KCNIP4: variants seen among roughly 807,000 people sequenced by gnomAD.
KCNIP4 encodes Kv channel-interacting protein 4.
KCNIP4 carries 12 observed loss-of-function variants against 34.0 expected under a neutral mutation model. The ratio of observed to expected loss-of-function variants is 0.35; its 90% CI spans 0.23 to 0.57. The LOEUF is 0.57. Ranked by LOEUF, KCNIP4 falls within the 20% of genes least tolerant of loss-of-function variation. The pLI, the probability that KCNIP4 is intolerant of heterozygous loss-of-function variation, is 0.83. For synonymous variants in KCNIP4, 124 were observed against 102.2 expected (o/e 1.21, Z -1.29); for missense variants, 238 against 311.7 (o/e 0.76, Z 1.78).
intron 1 of KCNIP4, among the ~76,000 whole-genome samples, chr4:21,314,622 G>A (rs73249548): frequency 0.026 from 3,892 of 152,204 alleles, 63 homozygotes; most frequent in Non-Finnish European, 0.039. Context: ...AGAACTACTG[G>A]ACATTTGGCC....
intron 1 of KCNIP4, among the ~76,000 whole-genome samples, chr4:21,455,170 G>C (rs184802823): frequency 1.3e-5 from 2 of 150,174 alleles, no homozygotes; most frequent in South Asian, 2.1e-4. Context: ...GGATTAGCTT[G>C]GGTCAGATAT....
intron 1 of KCNIP4, among the ~76,000 whole-genome samples, chr4:21,924,411 T>A (rs1729119373): frequency 6.6e-6 from 1 of 151,756 alleles, no homozygotes; most frequent in Non-Finnish European, 1.5e-5. Context: ...ACCTGGCTAA[T>A]TTTTTTGTAT....
At chr4:21,362,751 A>G (rs569474924) in intron 1 of KCNIP4, among the ~76,000 whole-genome samples, 40 of 152,260 alleles carry the variant, frequency 2.6e-4, no homozygotes, top group Non-Finnish European at 4.1e-4. Context: ...TGCATGTGAA[A>G]TGGAAGAAAT....
At chr4:20,894,096 G>T (rs940389601) in intron 1 of KCNIP4, among the ~76,000 whole-genome samples, 1 of 152,024 alleles carries the variant, frequency 6.6e-6, no homozygotes, top group Non-Finnish European at 1.5e-5. Flanking sequence ...GGCCAGGCTG[G>T]TCTTAAACTC....
intron 1 of KCNIP4, among the ~76,000 whole-genome samples, chr4:21,889,860 C>T (rs1489811731): frequency 2.0e-5 from 3 of 152,086 alleles, no homozygotes. Context: ...TGCCATAGAC[C>T]GTGTTTCCAC....
intron 1 of KCNIP4, among the ~76,000 whole-genome samples, chr4:21,474,815 T>G (rs1560441488): frequency 6.6e-6 from 1 of 151,520 alleles, no homozygotes; most frequent in Non-Finnish European, 1.5e-5. Context: ...GCCAACATGG[T>G]GAAACCCAGT....
intron 1 of KCNIP4, among the ~76,000 whole-genome samples, chr4:21,904,218 G>A (rs906763284): frequency 2.6e-5 from 4 of 152,130 alleles, no homozygotes; most frequent in Non-Finnish European, 5.9e-5. Flanking sequence ...CTTACCAAGA[G>A]AGCAGGCTCA....
chr4:21,017,883 T>A (rs1159811721), intron 1 of KCNIP4, among the ~76,000 whole-genome samples: 1 of 152,176 alleles, frequency 6.6e-6, no homozygotes, highest in Non-Finnish European at 1.5e-5. Flanking sequence ...TAATCGCCAC[T>A]CTGACTGGCA....
At chr4:21,021,005 G>C (rs183645205) in intron 1 of KCNIP4, among the ~76,000 whole-genome samples, 1 of 152,272 alleles carries the variant, frequency 6.6e-6, no homozygotes, top group East Asian at 1.9e-4. Flanking sequence ...AGGGGATTCT[G>C]TTGTTGTGTG....
At chr4:21,699,232 G>T (rs1331753305) in intron 1 of KCNIP4, among the ~76,000 whole-genome samples, 1 of 152,132 alleles carries the variant, frequency 6.6e-6, no homozygotes, top group Non-Finnish European at 1.5e-5. Flanking sequence ...AATAAGATAG[G>T]GAATGGACAA....
intron 1 of KCNIP4, among the ~76,000 whole-genome samples, chr4:21,695,437 T>C (rs975691159): frequency 1.3e-5 from 2 of 151,978 alleles, no homozygotes; most frequent in African/African-American, 2.4e-5. Context: ...CTTCTTTTTT[T>C]TTTTCCTCCT....
chr4:21,943,723 G>A (rs1730330619), intron 1 of KCNIP4, among the ~76,000 whole-genome samples: 1 of 152,106 alleles, frequency 6.6e-6, no homozygotes, highest in South Asian at 2.1e-4. Context: ...ATTTTGTGCA[G>A]GAGAATCTAT....
intron 1 of KCNIP4, among the ~76,000 whole-genome samples, chr4:21,780,929 AT>A (rs1368050582): frequency 5.9e-5 from 9 of 151,874 alleles, no homozygotes; most frequent in Admixed American, 5.9e-4. Flanking sequence ...CATCACTCCA[AT>A]TTTTGCTTCT....
chr4:21,174,096 C>G (rs1250401940), intron 1 of KCNIP4, among the ~76,000 whole-genome samples: 1 of 152,098 alleles, frequency 6.6e-6, no homozygotes, highest in Non-Finnish European at 1.5e-5. Flanking sequence ...TCTAAGTTGG[C>G]GGTTAGTTGA....
rs183290707 is a variant in KCNIP4, at chr4:21,498,449, A to G, written c.61+450122T>C. Among the ~76,000 whole-genome samples, 143 of 152,340 alleles carry G rather than the reference A, an allele frequency of 9.4e-4. 1 individual carries two copies. The highest frequency in any genetic ancestry group is 6.9e-3 in the Admixed American group (105 of 15,296). Reference sequence around the variant, plus strand: ...TATGTTTTACTATTAAAACTTTTAAAAAGTCATTTATCTAATATTTTTATT... The same window carrying G: ...TATGTTTTACTATTAAAACTTTTAAGAAGTCATTTATCTAATATTTTTATT... On this transcript the variant is annotated intron_variant, in intron 1 of 8. Transcript: ENST00000382152.
At chr4:21,817,804 A>C (rs2109282648) in intron 1 of KCNIP4, among the ~76,000 whole-genome samples, 1 of 152,106 alleles carries the variant, frequency 6.6e-6, no homozygotes, top group African/African-American at 2.4e-5. Context: ...CTGCTCTCGA[A>C]CCCTGTTTTC....
intron 1 of KCNIP4, among the ~76,000 whole-genome samples, chr4:20,889,850 A>G (rs773414568): frequency 1.3e-4 from 19 of 151,998 alleles, no homozygotes; most frequent in Non-Finnish European, 2.2e-4. Flanking sequence ...TACTAACATA[A>G]CACTTTAAAG....
intron 1 of KCNIP4, among the ~76,000 whole-genome samples, chr4:20,959,089 C>A (rs139735830): frequency 1.3e-5 from 2 of 152,078 alleles, no homozygotes; most frequent in Non-Finnish European, 2.9e-5. Context: ...GAGGTTTAGT[C>A]GGTAACACTG....
At chr4:21,048,944 C>CTTTTTTTTTT (rs949548104) in intron 1 of KCNIP4, among the ~76,000 whole-genome samples, 23 of 96,040 alleles carry the variant, frequency 2.4e-4, no homozygotes, top group South Asian at 1.4e-3. Context: ...TTCTGTTTAT[C>CTTTTTTTTTT]TTTTTTTTTT....
Sources: allele counts gnomAD v4.1 joint callset (sites outside exome capture counted in the v4.1 genomes callset), GRCh38; gene constraint gnomAD v4.1.1; transcripts MANE v1.5; gene names NCBI Gene and HGNC (gene_info 2026-07-23, HGNC 2026-07-21).